Variants in PARVB observed in about 807,000 individuals in gnomAD.
The protein encoded by PARVB is beta-parvin.
In PARVB, 46 loss-of-function variants were observed where a neutral mutation model predicts 47.0. The ratio of observed to expected loss-of-function variants is 0.98; its 90% CI spans 0.77 to 1.25. The LOEUF (loss-of-function observed/expected upper bound fraction) is 1.25, where lower values mean the gene tolerates loss of function less well. Among genes scored for constraint, PARVB ranks in the 50% most tolerant of loss-of-function variants. The probability of loss-of-function intolerance (pLI) is 0.00; values close to 1 mark genes in which losing one functional copy is unlikely to be tolerated. For missense variants in PARVB, 473 were observed against 471.6 expected (o/e 1.00, Z -0.03); for synonymous variants, 196 against 196.3 (o/e 1.00, Z 0.01).
rs1429095099 is a variant in PARVB, at chr22:44,140,110, G to C, written c.693-14G>C. On this transcript the variant is annotated splice_polypyrimidine_tract_variant and intron_variant, in intron 7 of 12. Coordinates refer to ENST00000338758, the MANE Select transcript of PARVB (RefSeq NM_013327.5). The stretch of plus-strand genomic sequence containing the variant: ...TGACCCATCTCATGGCTCTCTCTGT[G>C]TTCTTGTTTGCAGGATGATGATGGG... The C allele has an allele frequency of 2.0e-6, 3 of 1,503,292 alleles. No individual in the cohort carries two copies. Among genetic ancestry groups the C allele is most frequent in the African/African-American group, 3.7e-5 (2 of 54,078 alleles). The allele number at this position is 1,503,292 out of a possible 1,614,324, so 93.1% of individuals were successfully genotyped here.
chr22:44,141,192 G>A (rs78453089), intron 8 of PARVB: 2,981 of 153,284 alleles, frequency 0.019, 88 homozygotes, highest in African/African-American at 0.064. Context: ...AAGTTATTAT[G>A]GGGACCAGCT....
chr22:44,022,434 C>T (rs942008855), upstream of PARVB, among the ~76,000 whole-genome samples: 9 of 152,126 alleles, frequency 5.9e-5, no homozygotes, highest in East Asian at 1.9e-4. Context: ...ATGCTGGCCA[C>T]GCTACACGGC....
At chr22:44,152,099 G>A (rs75379010) in intron 10 of PARVB, 1,824 of 152,636 alleles carry the variant, frequency 0.012, 22 homozygotes, top group Non-Finnish European at 0.018. Context: ...TTCCAGATAC[G>A]GTCACATTCA....
At chr22:44,062,638 G>GAA (rs751974344) in intron 1 of PARVB, among the ~76,000 whole-genome samples, 1 of 140,392 alleles carries the variant, frequency 7.1e-6, no homozygotes, top group African/African-American at 2.6e-5. Flanking sequence ...ACCCTGTCTG[G>GAA]AAAAAAAAAA....
At chr22:44,096,270 G>A (rs754926016) in intron 2 of PARVB, among the ~76,000 whole-genome samples, 5 of 152,122 alleles carry the variant, frequency 3.3e-5, no homozygotes, top group South Asian at 2.1e-4. Context: ...GGTGGCACAC[G>A]CCTATAGTCC....
At chr22:44,059,127 C>T (rs902393768) in intron 1 of PARVB, among the ~76,000 whole-genome samples, 2 of 146,778 alleles carry the variant, frequency 1.4e-5, no homozygotes, top group African/African-American at 5.0e-5. Context: ...GTCACTACAA[C>T]CTCTGCTTCT....
At chr22:44,041,407 G>T (rs920633772) in intron 1 of PARVB, among the ~76,000 whole-genome samples, 7 of 152,050 alleles carry the variant, frequency 4.6e-5, no homozygotes, top group African/African-American at 1.4e-4. Context: ...CAGGAGAATC[G>T]CTTGAACCCG....
chr22:44,105,406 G>C (rs1016574576), intron 3 of PARVB: 1 of 152,246 alleles, frequency 6.6e-6, no homozygotes, highest in Non-Finnish European at 1.5e-5. Flanking sequence ...GACTTTCAAA[G>C]GCCCATGCCT....
intron 9 of PARVB, chr22:44,149,588 C>T (rs945355985): frequency 6.6e-6 from 1 of 152,438 alleles, no homozygotes; most frequent in African/African-American, 2.4e-5. Flanking sequence ...GGCCCACCCT[C>T]AGGCCCAGCT....
intron 1 of PARVB, among the ~76,000 whole-genome samples, chr22:44,040,642 G>A (rs765718897): frequency 1.1e-4 from 17 of 152,190 alleles, no homozygotes; most frequent in Non-Finnish European, 2.2e-4. Context: ...TAGAGGGAAT[G>A]CAGCCCTGCT....
chr22:44,036,347 G>A (rs2146906293), intron 1 of PARVB, among the ~76,000 whole-genome samples: 1 of 152,014 alleles, frequency 6.6e-6, no homozygotes, highest in South Asian at 2.1e-4. Flanking sequence ...AACACAGTCT[G>A]TGTGTGTGTG....
chr22:44,069,840 G>A (rs1442518128), intron 1 of PARVB, among the ~76,000 whole-genome samples: 1 of 152,156 alleles, frequency 6.6e-6, no homozygotes, highest in Non-Finnish European at 1.5e-5. Context: ...TGGGTTTCTC[G>A]TTAGTGGTCT....
chr22:44,080,520 AAGGACCC>A (rs1357816826), intron 1 of PARVB, among the ~76,000 whole-genome samples: 14 of 152,092 alleles, frequency 9.2e-5, no homozygotes, highest in Non-Finnish European at 2.1e-4. Context: ...TTCCTCTTGT[AAGGACCC>A]TGTCAATCAC....
intron 10 of PARVB, among the ~76,000 whole-genome samples, chr22:44,154,945 G>C (rs2053894984): frequency 7.0e-6 from 1 of 143,352 alleles, no homozygotes; most frequent in South Asian, 2.2e-4. Context: ...TGTGATGTGT[G>C]TGTGTGTGTG....
intron 2 of PARVB, among the ~76,000 whole-genome samples, chr22:44,097,634 A>G (rs1034229952): frequency 1.3e-5 from 2 of 152,126 alleles, no homozygotes; most frequent in Non-Finnish European, 2.9e-5. Context: ...ATTCTGGCCT[A>G]CTGTCACCAT....
chr22:44,140,365 G>A, intron 8 of PARVB: 2 of 710,564 alleles, frequency 2.8e-6, no homozygotes, highest in Non-Finnish European at 5.2e-6. Context: ...GCTAGGAGGA[G>A]TGGGGTGGAA....
chr22:44,127,226 T>A (rs560293776), intron 4 of PARVB, among the ~76,000 whole-genome samples: 16 of 150,776 alleles, frequency 1.1e-4, no homozygotes, highest in African/African-American at 3.9e-4. Context: ...CTCTTGAGTG[T>A]CAAGTGGTTT....
In PARVB at chr22:44,094,164, G is replaced by T. The variant is rs190221034; in HGVS notation, c.202+147G>T. 3,387 of 525,126 alleles carry T rather than the reference G, an allele frequency of 6.4e-3. 31 individuals are homozygous for T. Among genetic ancestry groups the T allele is most frequent in the Middle Eastern group, 0.022 (45 of 2,002 alleles). 32.5% of individuals were successfully genotyped at this position (525,126 alleles called of 1,614,324 possible). The stretch of plus-strand genomic sequence containing the variant: ...TTGGGAGTCTAAGTTCTTAGCTCAA[G>T]GTCATCTTTAGAAAAGTCCATTGGG... On this transcript the variant is annotated intron_variant, in intron 2 of 12. Transcript: ENST00000338758.
At chr22:44,115,876 A>C (rs1287798230) in intron 3 of PARVB, 4 of 135,742 alleles carry the variant, frequency 2.9e-5, no homozygotes, top group Admixed American at 2.2e-4. Context: ...CCTTGCACCA[A>C]CATGGACACA....
Sources: gnomAD v4.1 joint callset for allele counts (sites outside exome capture counted in the v4.1 genomes callset) on GRCh38, gnomAD v4.1.1 for gene constraint, MANE v1.5 for transcripts, NCBI Gene and HGNC (gene_info 2026-07-23, HGNC 2026-07-21) for gene names.